The following ZEB2 variants were observed in gnomAD, a reference collection of about 807,000 sequenced individuals.
The protein encoded by ZEB2 is zinc finger E-box binding homeobox 2.
ZEB2 carries 6 observed loss-of-function variants against 99.9 expected under a neutral mutation model. The observed-to-expected ratio is 0.06, with a 90% CI of 0.03 to 0.12. The LOEUF (loss-of-function observed/expected upper bound fraction) is 0.12. Ranked by LOEUF, ZEB2 falls within the 10% of genes least tolerant of loss-of-function variation. The probability of loss-of-function intolerance (pLI) is 1.00; values close to 1 mark genes in which losing one functional copy is unlikely to be tolerated. For missense variants in ZEB2, 969 were observed against 1,502.8 expected (o/e 0.64, Z 5.87); for synonymous variants, 517 against 542.5 (o/e 0.95, Z 0.65).
In ZEB2 at chr2:144,407,571, C is replaced by G. The variant is rs187141059; in HGVS notation, c.404-2547G>C. Among the ~76,000 whole-genome samples, 10 of 152,296 alleles carry G rather than the reference C, an allele frequency of 6.6e-5. No homozygotes were observed. In the East Asian group the frequency reaches 1.9e-3, roughly 29 times the overall value. On this transcript the variant is annotated intron_variant, in intron 4 of 9. Coordinates refer to ENST00000627532, the MANE Select transcript of ZEB2 (RefSeq NM_014795.4). Reference sequence around the variant, plus strand: ...TAACATCAGATCTATCAAAAAATCACCTTTTACTTTTGATGGGAAGAAAGG... The same window carrying G: ...TAACATCAGATCTATCAAAAAATCAGCTTTTACTTTTGATGGGAAGAAAGG...
chr2:144,413,162 T>C (rs1306497415), intron 4 of ZEB2, among the ~76,000 whole-genome samples: 1 of 152,226 alleles, frequency 6.6e-6, no homozygotes, highest in East Asian at 1.9e-4. Context: ...TTATCTGTAT[T>C]CTTTTCAATT....
At chr2:144,485,718 A>C (rs1472256133) in intron 2 of ZEB2, among the ~76,000 whole-genome samples, 1 of 152,076 alleles carries the variant, frequency 6.6e-6, no homozygotes, top group Non-Finnish European at 1.5e-5. Flanking sequence ...CTCTGGGTTC[A>C]AGCTGTTCTC....
chr2:144,449,232 G>C (rs998197472), intron 2 of ZEB2, among the ~76,000 whole-genome samples: 14 of 152,218 alleles, frequency 9.2e-5, no homozygotes, highest in African/African-American at 3.4e-4. Context: ...GGGAGCAGGC[G>C]GGAGAGGAAG....
At chr2:144,395,538 G>A (rs992507760) in intron 9 of ZEB2, among the ~76,000 whole-genome samples, 3 of 152,048 alleles carry the variant, frequency 2.0e-5, no homozygotes, top group African/African-American at 4.8e-5. Flanking sequence ...AATAGAGCAT[G>A]CCAAATTTCC....
At chr2:144,495,956 T>A (rs1156881483) in intron 2 of ZEB2, 1 of 152,246 alleles carries the variant, frequency 6.6e-6, no homozygotes, top group Non-Finnish European at 1.5e-5. Context: ...GTTAACCAGA[T>A]TTGACATGCT....
intron 2 of ZEB2, among the ~76,000 whole-genome samples, chr2:144,446,658 T>C (rs1041715843): frequency 4.1e-5 from 6 of 146,592 alleles, no homozygotes. Context: ...TCTACTCTCA[T>C]TTTTTTTTCT....
intron 2 of ZEB2, chr2:144,430,805 A>G (rs534830312): frequency 6.6e-6 from 1 of 152,670 alleles, no homozygotes; most frequent in Non-Finnish European, 1.5e-5. Flanking sequence ...GCTTTTCTTA[A>G]AATAGACAGC....
At chr2:144,459,567 T>G (rs1014130163) in intron 2 of ZEB2, among the ~76,000 whole-genome samples, 2 of 152,118 alleles carry the variant, frequency 1.3e-5, no homozygotes, top group African/African-American at 2.4e-5. Context: ...TTTTGAGGGT[T>G]AAAAAATTTC....
At chr2:144,395,285 T>G (rs189855291) in intron 9 of ZEB2, among the ~76,000 whole-genome samples, 6 of 152,230 alleles carry the variant, frequency 3.9e-5, no homozygotes, top group Admixed American at 2.0e-4. Flanking sequence ...AGGCGTGAGC[T>G]GCTGCGCCTG....
chr2:144,412,444 T>C (rs1703478034), intron 4 of ZEB2, among the ~76,000 whole-genome samples: 1 of 152,256 alleles, frequency 6.6e-6, no homozygotes, highest in Non-Finnish European at 1.5e-5. Flanking sequence ...TCTTTTCTTA[T>C]GCTTTATGTA....
chr2:144,401,141 T>TA, intron 7 of ZEB2, 58 bp downstream of exon 7: 1 of 1,492,054 alleles, frequency 6.7e-7, no homozygotes, highest in Non-Finnish European at 9.4e-7. Context: ...AACAATCTTT[T>TA]AAAACTCCCC....
intron 4 of ZEB2, among the ~76,000 whole-genome samples, chr2:144,418,776 G>A (rs1038264536): frequency 1.3e-5 from 2 of 151,952 alleles, no homozygotes; most frequent in Non-Finnish European, 2.9e-5. Context: ...TGTACTGGGT[G>A]CTTTAAAAAT....
chr2:144,488,443 A>T (rs1205146235), intron 2 of ZEB2, among the ~76,000 whole-genome samples: 2 of 152,138 alleles, frequency 1.3e-5, no homozygotes, highest in Non-Finnish European at 2.9e-5. Context: ...ACTCAAGGGG[A>T]CCTTTAAATG....
chr2:144,418,888 T>C (rs1703581219), intron 4 of ZEB2, among the ~76,000 whole-genome samples: 1 of 152,204 alleles, frequency 6.6e-6, no homozygotes, highest in Non-Finnish European at 1.5e-5. Context: ...GCTTGGGTGA[T>C]GGGTGCGCCA....
At position 144,399,801 on chromosome 2, in the gene ZEB2, C is replaced by T. The variant is rs780523431; in HGVS notation, c.1386G>A (p.Lys462=). Residue 462 remains lysine, a synonymous_variant, in exon 8 of 10, where the codon AAG becomes AAA. Coordinates refer to ENST00000627532, the MANE Select transcript of ZEB2 (RefSeq NM_014795.4). This position sits in a 1 kb window ranked among gnomAD's most constrained non-coding sequence, Gnocchi z 5.6. ...CAGTATTGTCCACAATCTGTAGAAC[C>T]TTTTGTACCTCACTTAAATTACTAT... ...TMNSNLSEVQ[K]VLQIVDNTVS... 1.2e-6 allele frequency: 2 copies of T among 1,614,164 alleles called. No individual in the cohort carries two copies. The highest frequency in any genetic ancestry group is 1.1e-5 in the South Asian group (1 of 91,070).
chr2:144,484,827 C>A (rs1024853273), intron 2 of ZEB2, among the ~76,000 whole-genome samples: 10 of 151,824 alleles, frequency 6.6e-5, no homozygotes, highest in African/African-American at 2.4e-4. Context: ...CTCTGCCCAG[C>A]CTGTACAGAA....
At chr2:144,403,401 G>T (rs969626903) in intron 6 of ZEB2, among the ~76,000 whole-genome samples, 5 of 151,872 alleles carry the variant, frequency 3.3e-5, no homozygotes, top group African/African-American at 7.3e-5. Flanking sequence ...GATAATATAT[G>T]CCTTTTTGAT....
At chr2:144,486,394 A>C (rs113266282) in intron 2 of ZEB2, among the ~76,000 whole-genome samples, 3 of 151,638 alleles carry the variant, frequency 2.0e-5, no homozygotes, top group African/African-American at 7.3e-5. Flanking sequence ...TAAAGAAAGA[A>C]TATAATGTAC....
rs753804585 is a variant in ZEB2 at position 144,396,611 on chromosome 2, G to C, written c.2887-19C>G. On this transcript the variant is annotated intron_variant, in intron 8 of 9. Transcript: ENST00000627532. ...ATTCTCCCTGCGATAGAATCACACA[G>C]TTCAATACAGTGGCTTCTCTTTGTG... 4 of 1,610,396 alleles carry C rather than the reference G, an allele frequency of 2.5e-6. No homozygotes were observed. Among genetic ancestry groups the C allele is most frequent in the Non-Finnish European group, 3.4e-6 (4 of 1,179,074 alleles).
Sources: allele counts gnomAD v4.1 joint callset (sites outside exome capture counted in the v4.1 genomes callset), GRCh38; gene constraint gnomAD v4.1.1; non-coding constraint Gnocchi (gnomAD v3.1); transcripts MANE v1.5; gene names NCBI Gene and HGNC (gene_info 2026-07-23, HGNC 2026-07-21).